Variants in SAXO1 observed in about 807,000 individuals in gnomAD.
SAXO1 encodes 4930500O09Rik.
A neutral mutation model predicts 17.5 loss-of-function variants in SAXO1; 21 were observed. The observed-to-expected ratio is 1.20, with a 90% CI of 0.85 to 1.72. SAXO1 has a LOEUF of 1.72. Among genes scored for constraint, SAXO1 ranks in the 40% most tolerant of loss-of-function variants. The probability of loss-of-function intolerance (pLI) is 0.00; values close to 1 mark genes in which losing one functional copy is unlikely to be tolerated. For synonymous variants in SAXO1, 274 were observed against 216.5 expected (o/e 1.27, Z -2.33); for missense variants, 843 against 596.0 (o/e 1.41, Z -4.32).
At chr9:19,023,563 A>G (rs1835339157) in intron 1 of SAXO1, among the ~76,000 whole-genome samples, 1 of 152,196 alleles carries the variant, frequency 6.6e-6, no homozygotes, top group East Asian at 1.9e-4. Context: ...GGCTGGCTCC[A>G]CAGTCTGCGC....
At chr9:18,929,172 A>G (rs1830926289) in intron 3 of SAXO1, 117 bp from the exon 4 acceptor site, 1 of 1,162,852 alleles carries the variant, frequency 8.6e-7, no homozygotes, top group South Asian at 1.6e-5. Context: ...TGAGACAAAG[A>G]AAGAACAGAG....
At chr9:19,027,465 C>T in intron 1 of SAXO1, 7 of 781,732 alleles carry the variant, frequency 9.0e-6, no homozygotes, top group South Asian at 5.6e-5. Flanking sequence ...CAATGAACCA[C>T]AAGGAGAAGT....
intron 1 of SAXO1, among the ~76,000 whole-genome samples, chr9:19,040,580 G>A (rs888226641): frequency 6.6e-6 from 1 of 152,014 alleles, no homozygotes; most frequent in Non-Finnish European, 1.5e-5. Flanking sequence ...GGAAGCAGAG[G>A]TTGCAGTGAG....
At chr9:18,951,703 T>TC in intron 1 of SAXO1, among the ~76,000 whole-genome samples, 1 of 152,232 alleles carries the variant, frequency 6.6e-6, no homozygotes, top group Admixed American at 6.5e-5. Flanking sequence ...TACCTGTGAC[T>TC]GGCATGTCTG....
At chr9:18,980,828 A>AAAT (rs1274100719) in intron 1 of SAXO1, among the ~76,000 whole-genome samples, 14 of 149,984 alleles carry the variant, frequency 9.3e-5, no homozygotes, top group Admixed American at 5.3e-4. Flanking sequence ...GGTATAAGGA[A>AAAT]AATAAAAACT....
At chr9:19,043,569 G>A (rs1221231842) in intron 1 of SAXO1, among the ~76,000 whole-genome samples, 2 of 151,984 alleles carry the variant, frequency 1.3e-5, no homozygotes, top group Non-Finnish European at 2.9e-5. Flanking sequence ...GAATTCAAGA[G>A]CAATCTGGGC....
chr9:18,960,332 G>T (rs1339179900), intron 1 of SAXO1, among the ~76,000 whole-genome samples: 1 of 152,124 alleles, frequency 6.6e-6, no homozygotes, highest in East Asian at 1.9e-4. Flanking sequence ...CTGGGGGAAG[G>T]AAGATACCAC....
chr9:18,974,851 C>T lies in SAXO1; in HGVS notation c.39-23914G>A, dbSNP rs148150219. Among the ~76,000 whole-genome samples the T allele has an allele frequency of 3.8e-3, 573 of 152,278 alleles. 9 individuals are homozygous for T. The highest frequency in any genetic ancestry group is 0.027 in the Admixed American group (417 of 15,298). ...GTAGATTCAGGTGGATTCATTCAAC[C>T]ATGGATGGATGCTAAGGCTGATAGG... On this transcript the variant is annotated intron_variant, in intron 1 of 3. Transcript: ENST00000380534.
At chr9:18,987,871 T>C (rs1833658519) in intron 1 of SAXO1, among the ~76,000 whole-genome samples, 1 of 146,144 alleles carries the variant, frequency 6.8e-6, no homozygotes, top group Admixed American at 7.0e-5. Context: ...CACTATAACC[T>C]GGGCAACAGA....
chr9:18,927,957 T>G lies in SAXO1; in HGVS notation c.*95A>C, dbSNP rs1051731136. On this transcript the variant is annotated 3_prime_UTR_variant, in exon 4 of 4. Transcript: ENST00000380534. ...TGAAGGTTTTTTGTTTTTTGTTTTT[T>G]GTCATTTTAGGGAATTCTTTTTTGT... is the stretch of plus-strand genomic sequence containing the variant. The G allele has an allele frequency of 7.1e-7, 1 of 1,403,176 alleles. No homozygotes were observed. Among genetic ancestry groups the G allele is most frequent in the East Asian group, 2.3e-5 (1 of 42,774 alleles). The allele number at this position is 1,403,176 out of a possible 1,614,324, so 86.9% of individuals were successfully genotyped here.
intron 1 of SAXO1, among the ~76,000 whole-genome samples, chr9:18,978,423 C>T (rs1833240237): frequency 6.6e-6 from 1 of 152,182 alleles, no homozygotes; most frequent in African/African-American, 2.4e-5. Flanking sequence ...GGAGGAGATG[C>T]CCAGCTTGGA....
chr9:19,007,854 C>T (rs989095388), intron 1 of SAXO1, among the ~76,000 whole-genome samples: 10 of 152,168 alleles, frequency 6.6e-5, no homozygotes, highest in African/African-American at 9.7e-5. Flanking sequence ...TTCATTGGAA[C>T]ACAGCATGCC....
intron 1 of SAXO1, among the ~76,000 whole-genome samples, chr9:19,011,958 G>A (rs1285592729): frequency 4.0e-5 from 6 of 150,274 alleles, no homozygotes; most frequent in Non-Finnish European, 8.8e-5. Flanking sequence ...CAATTCTCCT[G>A]CCTCAGCCTC....
intron 1 of SAXO1, among the ~76,000 whole-genome samples, chr9:19,019,843 T>A (rs1366371819): frequency 1.3e-5 from 2 of 152,178 alleles, no homozygotes; most frequent in Non-Finnish European, 2.9e-5. Context: ...TGACCACTCA[T>A]GGGTCTTGGT....
chr9:18,945,139 C>G (rs1012228657), intron 2 of SAXO1, among the ~76,000 whole-genome samples: 1 of 152,168 alleles, frequency 6.6e-6, no homozygotes, highest in Non-Finnish European at 1.5e-5. Context: ...GCTCCATTCT[C>G]CTCCAGTTTT....
chr9:18,936,749 T>C (rs1245932949), intron 3 of SAXO1, among the ~76,000 whole-genome samples: 1 of 152,198 alleles, frequency 6.6e-6, no homozygotes, highest in Non-Finnish European at 1.5e-5. Flanking sequence ...TTCAATAATG[T>C]GCCTTTAAAA....
At chr9:19,027,726 G>C in intron 1 of SAXO1, 1 of 1,423,838 alleles carries the variant, frequency 7.0e-7, no homozygotes, top group Non-Finnish European at 9.8e-7. Context: ...CACTTTGACA[G>C]CGAGAAGTCC....
At chr9:18,963,478 A>C (rs1832578497) in intron 1 of SAXO1, among the ~76,000 whole-genome samples, 1 of 152,114 alleles carries the variant, frequency 6.6e-6, no homozygotes, top group Admixed American at 6.6e-5. Context: ...TATTTCCTTG[A>C]GCAGTGGCTT....
At chr9:18,939,911 C>T (rs1452738555) in intron 3 of SAXO1, among the ~76,000 whole-genome samples, 1 of 152,178 alleles carries the variant, frequency 6.6e-6, no homozygotes, top group East Asian at 1.9e-4. Context: ...GACTGCTCTG[C>T]TCCCTTTCTG....
Sources: gnomAD v4.1 joint callset for allele counts (sites outside exome capture counted in the v4.1 genomes callset) on GRCh38, gnomAD v4.1.1 for gene constraint, MANE v1.5 for transcripts, NCBI Gene and HGNC (gene_info 2026-07-23, HGNC 2026-07-21) for gene names.